HLCS: variants seen among roughly 807,000 people sequenced by gnomAD.
HLCS encodes biotin--protein ligase.
In HLCS, 53 loss-of-function variants were observed where a neutral mutation model predicts 75.0. The ratio of observed to expected loss-of-function variants is 0.71; its 90% confidence interval spans 0.57 to 0.89. The LOEUF (loss-of-function observed/expected upper bound fraction) is 0.89, where lower values mean the gene tolerates loss of function less well. HLCS is among the 40% of genes least tolerant of loss of function. The probability of loss-of-function intolerance (pLI) is 0.00; values close to 1 mark genes in which losing one functional copy is unlikely to be tolerated. For missense variants in HLCS, 966 were observed against 1,074.0 expected (o/e 0.90, Z 1.41); for synonymous variants, 431 against 428.6 (o/e 1.01, Z -0.07).
chr21:36,931,039 T>C (rs761195742), intron 4 of HLCS, among the ~76,000 whole-genome samples: 9 of 152,114 alleles, frequency 5.9e-5, no homozygotes, highest in Non-Finnish European at 1.2e-4. Flanking sequence ...ATCCCAGCAC[T>C]TTGGGAAGCC....
intron 6 of HLCS, among the ~76,000 whole-genome samples, chr21:36,785,614 A>G (rs1221545773): frequency 6.6e-6 from 1 of 152,158 alleles, no homozygotes. Context: ...ATATACTACA[A>G]TATCATCCAC....
At chr21:36,839,089 C>T (rs1405186241) in intron 6 of HLCS, among the ~76,000 whole-genome samples, 1 of 152,192 alleles carries the variant, frequency 6.6e-6, no homozygotes, top group Non-Finnish European at 1.5e-5. Flanking sequence ...ACCAACCTCC[C>T]GTCTTTAGAG....
At chr21:36,846,870 G>T (rs192537219) in intron 6 of HLCS, among the ~76,000 whole-genome samples, 1 of 152,064 alleles carries the variant, frequency 6.6e-6, no homozygotes, top group African/African-American at 2.4e-5. Flanking sequence ...ACCCCGTCTT[G>T]GCTCGATTGG....
At chr21:36,767,120 C>T in intron 7 of HLCS, 98 bp downstream of exon 7, 3 of 1,168,846 alleles carry the variant, frequency 2.6e-6, no homozygotes, top group South Asian at 2.4e-5. Flanking sequence ...TTGAGTCCCC[C>T]AGATGATCAG....
chr21:36,944,613 T>C (rs1193728325), intron 2 of HLCS, among the ~76,000 whole-genome samples: 1 of 152,194 alleles, frequency 6.6e-6, no homozygotes, highest in Non-Finnish European at 1.5e-5. Flanking sequence ...TTTGGTTTTT[T>C]AATTGTTGTT....
intron 9 of HLCS, chr21:36,759,182 T>C: frequency 2.1e-6 from 1 of 471,138 alleles, no homozygotes; most frequent in Non-Finnish European, 4.4e-6. Flanking sequence ...GTGAGGCTGA[T>C]GACTGGACGG....
rs146049172 is a variant in HLCS, at chr21:36,985,803, C to A, written c.-393+4355G>T. Among the ~76,000 whole-genome samples, 775 of 151,704 alleles carry A rather than the reference C, an allele frequency of 5.1e-3. 8 individuals are homozygous for A. Among genetic ancestry groups the A allele is most frequent in the African/African-American group, 0.017 (724 of 41,392 alleles). On this transcript the variant is annotated intron_variant, in intron 1 of 11. Coordinates refer to the HLCS transcript ENST00000336648. ...AAAAAAAGTTAGCCCCATTATATTG[C>A]AGCTGGTCCCTCAATTTGTGTTTGT...
At chr21:36,804,735 T>C (rs1450811106) in intron 6 of HLCS, among the ~76,000 whole-genome samples, 1 of 152,256 alleles carries the variant, frequency 6.6e-6, no homozygotes, top group Admixed American at 6.5e-5. Context: ...ATTTATTTGC[T>C]ATTTACTAAC....
chr21:36,810,946 T>C (rs533026910), intron 6 of HLCS, among the ~76,000 whole-genome samples: 1 of 152,234 alleles, frequency 6.6e-6, no homozygotes, highest in African/African-American at 2.4e-5. Context: ...AGAATAAGGA[T>C]CATAATTAAT....
chr21:36,798,054 T>C (rs1469888468), intron 6 of HLCS, among the ~76,000 whole-genome samples: 1 of 152,130 alleles, frequency 6.6e-6, no homozygotes, highest in East Asian at 1.9e-4. Flanking sequence ...GAGCAGAGAC[T>C]TGAAGGAAGT....
intron 6 of HLCS, among the ~76,000 whole-genome samples, chr21:36,861,152 T>C (rs1000521095): frequency 2.6e-5 from 4 of 152,154 alleles, no homozygotes; most frequent in Non-Finnish European, 4.4e-5. Flanking sequence ...TTACAGAGCA[T>C]ATATAACCTA....
chr21:36,964,379 T>C (rs373176527), intron 1 of HLCS, among the ~76,000 whole-genome samples: 1 of 152,294 alleles, frequency 6.6e-6, no homozygotes, highest in East Asian at 1.9e-4. Flanking sequence ...CACAAATAAA[T>C]GGTCAAGCTT....
intron 2 of HLCS, among the ~76,000 whole-genome samples, chr21:36,954,800 T>A (rs138438682): frequency 1.3e-5 from 2 of 151,626 alleles, no homozygotes; most frequent in African/African-American, 2.4e-5. Flanking sequence ...TGGTGCCTCA[T>A]GCCTGTAATC....
intron 2 of HLCS, among the ~76,000 whole-genome samples, chr21:36,960,771 G>C (rs2068249090): frequency 6.6e-6 from 1 of 152,200 alleles, no homozygotes; most frequent in Non-Finnish European, 1.5e-5. Context: ...GGACCCACAA[G>C]TGAGGGGAAG....
chr21:36,978,626 G>A lies in HLCS; in HGVS notation c.-393+11532C>T, dbSNP rs114322209. 4.0e-3 allele frequency among the ~76,000 whole-genome samples: 606 copies of A among 152,342 alleles called. 5 individuals carry two copies. The highest frequency in any genetic ancestry group is 0.013 in the African/African-American group (550 of 41,582). ...GTAGAGCACACTGAGCCCTGAGAAG[G>A]GGGCAAGAAGAGCCCCAGGGTGCAA... On this transcript the variant is annotated intron_variant, in intron 1 of 11. Transcript: ENST00000336648.
chr21:36,761,974 T>C (rs1171950495), intron 8 of HLCS, among the ~76,000 whole-genome samples: 1 of 152,210 alleles, frequency 6.6e-6, no homozygotes, highest in African/African-American at 2.4e-5. Context: ...CCTCGGCTCA[T>C]GAAGCAGCTC....
At position 36,888,127 on chromosome 21, in the gene HLCS, T is replaced by A. The variant is rs144403909; in HGVS notation, c.1892+8733A>T. ...CATGCTACCAGCCAGGGTGGAAATG[T>A]AGACAAAGACCCCTATTAGGATCCG... is the stretch of plus-strand genomic sequence containing the variant. On this transcript the variant is annotated intron_variant, in intron 6 of 10. Transcript: ENST00000674895. Among the ~76,000 whole-genome samples, 12 of 152,192 alleles carry A rather than the reference T, an allele frequency of 7.9e-5. No individual in the cohort carries two copies. In the East Asian group the frequency reaches 2.3e-3, roughly 29 times the overall value.
rs760644309 is a variant in HLCS, at chr21:36,936,574, A to G, written c.1312T>C (p.Tyr438His). Residue 438 changes from tyrosine (Y) to histidine (H), a missense_variant, in exon 4 of 11, where the codon TAC becomes CAC. Tyr to His is a moderately conservative substitution (Grantham distance 83). Coordinates refer to ENST00000674895, the MANE Select transcript of HLCS (RefSeq NM_001352514.2). ...KLSVLSSGCR[Y>H]QEGPVRLSPG... ...CTGAGCCGGACGGGGCCTTCCTGGTACCTGCAGCCACTGCTCAAGACGCTG... is the reference window on the plus strand; with the variant it reads ...CTGAGCCGGACGGGGCCTTCCTGGTGCCTGCAGCCACTGCTCAAGACGCTG... 7 of 1,614,142 alleles carry G rather than the reference A, an allele frequency of 4.3e-6. 1 individual carries two copies. The South Asian group carries it at 6.6e-5, about 15-fold the overall frequency.
chr21:36,893,349 G>A (rs2064872287), intron 6 of HLCS, among the ~76,000 whole-genome samples: 1 of 152,154 alleles, frequency 6.6e-6, no homozygotes, highest in African/African-American at 2.4e-5. Context: ...TGGGATTACA[G>A]GTGTGAGCCA....
Sources: gnomAD v4.1 joint callset for allele counts (sites outside exome capture counted in the v4.1 genomes callset) on GRCh38, gnomAD v4.1.1 for gene constraint, MANE v1.5 for transcripts, NCBI Gene and HGNC (gene_info 2026-07-23, HGNC 2026-07-21) for gene names.